The following COLGALT2 variants were observed in gnomAD, a reference collection of about 807,000 sequenced individuals.
COLGALT2 encodes procollagen galactosyltransferase 2.
COLGALT2 carries 49 observed loss-of-function variants against 73.4 expected under a neutral mutation model. That is an observed-to-expected ratio of 0.67 (90% confidence interval 0.53 to 0.85). COLGALT2 has a LOEUF of 0.85. COLGALT2 is among the 40% of genes least tolerant of loss of function. COLGALT2 has a pLI of 0.00. For missense variants in COLGALT2, 722 were observed against 790.2 expected, an observed-to-expected ratio of 0.91 and a Z score of 1.03; for synonymous variants, 295 against 307.6, an observed-to-expected ratio of 0.96 and a Z score of 0.43.
At position 183,938,168 on chromosome 1, in the gene COLGALT2, C is replaced by A; in HGVS notation, c.*593G>T. Reference sequence around the variant, plus strand: ...GCCAAGTCTCAGTCGGACCCAAATACCCACCCCTACTGGATAACAGGGACT... The same window carrying A: ...GCCAAGTCTCAGTCGGACCCAAATAACCACCCCTACTGGATAACAGGGACT... On this transcript the variant is annotated 3_prime_UTR_variant, in exon 12 of 12. Transcript: ENST00000361927. 1 of 985,974 alleles carries A rather than the reference C, an allele frequency of 1.0e-6. No homozygotes were observed. Among genetic ancestry groups the A allele is most frequent in the Non-Finnish European group, 1.2e-6 (1 of 830,554 alleles). The allele number at this position is 985,974 out of a possible 1,614,324, so 61.1% of individuals were successfully genotyped here.
At chr1:183,934,852 T>C (rs1669914839), downstream of COLGALT2, among the ~76,000 whole-genome samples, 1 of 152,228 alleles carries the variant, frequency 6.6e-6, no homozygotes, top group African/African-American at 2.4e-5. Flanking sequence ...GAAGCCTCTG[T>C]ATTATCTGTC....
chr1:183,946,550 T>C (rs1463404769), intron 8 of COLGALT2: 1 of 152,108 alleles, frequency 6.6e-6, no homozygotes, highest in Non-Finnish European at 1.5e-5. Flanking sequence ...AATACAACCA[T>C]GTGGTATCTA....
At chr1:184,022,562 A>T (rs565955126) in intron 1 of COLGALT2, among the ~76,000 whole-genome samples, 246 of 152,354 alleles carry the variant, frequency 1.6e-3, no homozygotes, top group African/African-American at 4.3e-3. Context: ...GGTAAAACAC[A>T]GAGTATGGTT....
intron 4 of COLGALT2, among the ~76,000 whole-genome samples, chr1:183,969,955 G>A (rs1457042076): frequency 6.6e-6 from 1 of 152,196 alleles, no homozygotes; most frequent in Admixed American, 6.5e-5. Flanking sequence ...CATGGGGTTA[G>A]CTGTAAAATT....
At chr1:184,008,696 C>T (rs573980593) in intron 1 of COLGALT2, among the ~76,000 whole-genome samples, 3 of 152,272 alleles carry the variant, frequency 2.0e-5, no homozygotes, top group African/African-American at 7.2e-5. Context: ...TGTCACTGTA[C>T]TCTAGCCTGG....
intron 4 of COLGALT2, 47 bp downstream of exon 4, chr1:183,973,569 G>C (rs1327131022): frequency 2.5e-6 from 4 of 1,610,242 alleles, no homozygotes; most frequent in Non-Finnish European, 3.4e-6. Context: ...ACCGGGTGTT[G>C]CCTTGTTAAA....
At chr1:183,964,305 G>C (rs527598555) in intron 5 of COLGALT2, 2 of 399,690 alleles carry the variant, frequency 5.0e-6, no homozygotes, top group Admixed American at 8.8e-5. Context: ...AACAAAAAAG[G>C]CATGAAAGGA....
rs1649732144 is a variant in COLGALT2 at position 184,037,482 on chromosome 1, C to T, written c.-125G>A. On this transcript the variant is annotated 5_prime_UTR_variant, in exon 1 of 12. Coordinates refer to ENST00000361927, the MANE Select transcript of COLGALT2 (RefSeq NM_015101.4). ...GGCGGCCGGGGGATGCGGCTTGCCGCGGCCGGCCGGCTCACACACTGGCCT... is the reference window on the plus strand; with the variant it reads ...GGCGGCCGGGGGATGCGGCTTGCCGTGGCCGGCCGGCTCACACACTGGCCT... 1 of 1,182,010 alleles carries T rather than the reference C, an allele frequency of 8.5e-7. No individual in the cohort carries two copies. The highest frequency in any genetic ancestry group is 1.0e-6 in the Non-Finnish European group (1 of 957,616). 73.2% of individuals were successfully genotyped at this position (1,182,010 alleles called of 1,614,324 possible).
chr1:184,031,416 T>C (rs1649506552), intron 1 of COLGALT2, among the ~76,000 whole-genome samples: 1 of 152,194 alleles, frequency 6.6e-6, no homozygotes. Flanking sequence ...AAAAAGTGCC[T>C]GAACTAAGTG....
intron 1 of COLGALT2, among the ~76,000 whole-genome samples, chr1:183,981,045 C>T (rs1477425894): frequency 6.6e-6 from 1 of 152,002 alleles, no homozygotes; most frequent in African/African-American, 2.4e-5. Flanking sequence ...AAAAAATAAG[C>T]CACTACAATT....
chr1:183,978,046 A>G (rs1370288855), intron 2 of COLGALT2, among the ~76,000 whole-genome samples: 2 of 152,162 alleles, frequency 1.3e-5, no homozygotes, highest in Non-Finnish European at 2.9e-5. Flanking sequence ...GATTATCAAG[A>G]TAAAAGTTGA....
intron 5 of COLGALT2, among the ~76,000 whole-genome samples, chr1:183,968,270 C>G (rs1481119198): frequency 6.6e-6 from 1 of 152,190 alleles, no homozygotes; most frequent in Non-Finnish European, 1.5e-5. Context: ...TCTGAATTAT[C>G]CTAACAAAGC....
chr1:184,029,286 A>G (rs1315797945), intron 1 of COLGALT2, among the ~76,000 whole-genome samples: 2 of 152,158 alleles, frequency 1.3e-5, no homozygotes, highest in Non-Finnish European at 2.9e-5. Context: ...AGGAGTAGAG[A>G]GCTAAGGGAA....
exon 12 of COLGALT2, chr1:183,930,057 C>A (rs1213354157): frequency 2.9e-6 from 1 of 349,378 alleles, no homozygotes; most frequent in Non-Finnish European, 5.7e-6. Context: ...TTCCCAACTG[C>A]CTTAGACCAA....
At chr1:183,983,315 A>G (rs1213571049) in intron 1 of COLGALT2, among the ~76,000 whole-genome samples, 2 of 152,178 alleles carry the variant, frequency 1.3e-5, no homozygotes, top group East Asian at 1.9e-4. Flanking sequence ...CCACCGAGGA[A>G]GCCTGGTGGT....
intron 6 of COLGALT2, among the ~76,000 whole-genome samples, chr1:183,960,570 T>G (rs1269386586): frequency 6.6e-6 from 1 of 152,228 alleles, no homozygotes; most frequent in African/African-American, 2.4e-5. Context: ...GATCATAAAA[T>G]GTTTTGAATC....
intron 8 of COLGALT2, chr1:183,945,811 T>A (rs1398498932): frequency 2.0e-6 from 1 of 508,764 alleles, no homozygotes; most frequent in African/African-American, 1.9e-5. Flanking sequence ...CTAAGCATCA[T>A]CAGTTTTTTG....
chr1:184,015,096 TAA>T (rs71717219), intron 1 of COLGALT2, among the ~76,000 whole-genome samples: 1 of 144,196 alleles, frequency 6.9e-6, no homozygotes. Context: ...TTCTAGTGGG[TAA>T]AAAAAAAAAG....
chr1:183,932,897 G>A (rs185145387), downstream of COLGALT2, among the ~76,000 whole-genome samples: 122 of 152,246 alleles, frequency 8.0e-4, no homozygotes, highest in African/African-American at 2.8e-3. Flanking sequence ...CTGCTCCTGG[G>A]TACCCCCTTC....
Sources: allele counts gnomAD v4.1 joint callset (sites outside exome capture counted in the v4.1 genomes callset), GRCh38; gene constraint gnomAD v4.1.1; transcripts MANE v1.5; gene names NCBI Gene and HGNC (gene_info 2026-07-23, HGNC 2026-07-21).